The following PBX3 variants were observed in gnomAD, a reference collection of about 807,000 sequenced individuals.
The protein encoded by PBX3 is pre-B-cell leukemia transcription factor 3.
Under a neutral mutation model 48.5 loss-of-function variants are expected in PBX3, and 14 were observed. That is an observed-to-expected ratio of 0.29 (90% CI 0.19 to 0.45). The LOEUF (loss-of-function observed/expected upper bound fraction) is 0.45. PBX3 is among the 20% of genes least tolerant of loss of function. The pLI, the probability that PBX3 is intolerant of heterozygous loss-of-function variation, is 1.00. For synonymous variants in PBX3, 210 were observed against 200.3 expected, an observed-to-expected ratio of 1.05 and a Z score of -0.41; for missense variants, 386 against 546.7, an observed-to-expected ratio of 0.71 and a Z score of 2.93.
intron 2 of PBX3, among the ~76,000 whole-genome samples, chr9:125,794,544 G>T (rs1837720299): frequency 6.6e-6 from 1 of 151,606 alleles, no homozygotes; most frequent in African/African-American, 2.4e-5. Flanking sequence ...AAGTTAATTG[G>T]TTAGCTTTCC....
intron 2 of PBX3, among the ~76,000 whole-genome samples, chr9:125,813,143 T>C (rs557894968): frequency 1.2e-4 from 19 of 152,382 alleles, no homozygotes; most frequent in Non-Finnish European, 1.6e-4. Flanking sequence ...TTTTTGACTT[T>C]TGTAATAACA....
At chr9:125,762,314 A>G (rs1475464466) in intron 2 of PBX3, among the ~76,000 whole-genome samples, 1 of 152,190 alleles carries the variant, frequency 6.6e-6, no homozygotes, top group Non-Finnish European at 1.5e-5. Context: ...CCCAAAAAAT[A>G]TAGTCCACCC....
chr9:125,928,973 A>G (rs1383350198), intron 3 of PBX3, among the ~76,000 whole-genome samples: 3 of 152,064 alleles, frequency 2.0e-5, no homozygotes, highest in Non-Finnish European at 4.4e-5. Context: ...TTCTTTACAT[A>G]TTATCTGTAT....
chr9:125,749,966 TGA>T (rs1836325879), intron 2 of PBX3, among the ~76,000 whole-genome samples: 1 of 152,256 alleles, frequency 6.6e-6, no homozygotes, highest in Non-Finnish European at 1.5e-5. Context: ...GATCCTTTCT[TGA>T]ATTACTAACT....
At chr9:125,754,262 C>G (rs1453072204) in intron 2 of PBX3, among the ~76,000 whole-genome samples, 1 of 152,050 alleles carries the variant, frequency 6.6e-6, no homozygotes, top group African/African-American at 2.4e-5. Flanking sequence ...TCAGTGTGAT[C>G]AGCATGATTT....
chr9:125,861,612 A>G (rs1479773362), intron 2 of PBX3, among the ~76,000 whole-genome samples: 1 of 152,232 alleles, frequency 6.6e-6, no homozygotes, highest in African/African-American at 2.4e-5. Context: ...TGGTATATCC[A>G]TACAATGGAA....
At chr9:125,810,981 T>G (rs542238066) in intron 2 of PBX3, among the ~76,000 whole-genome samples, 4 of 152,304 alleles carry the variant, frequency 2.6e-5, no homozygotes, top group Middle Eastern at 6.8e-3. Flanking sequence ...CCTCAGGCAC[T>G]CCTGGGGATC....
At chr9:125,960,875 A>T (rs781058868) in intron 6 of PBX3, 26 bp downstream of exon 6, 2 of 1,606,904 alleles carry the variant, frequency 1.2e-6, no homozygotes, top group Non-Finnish European at 1.7e-6. Flanking sequence ...TCGCTCCCCA[A>T]CTGGCCCAGG....
At chr9:125,860,164 A>G (rs1024578231) in intron 2 of PBX3, among the ~76,000 whole-genome samples, 3 of 152,256 alleles carry the variant, frequency 2.0e-5, no homozygotes, top group African/African-American at 7.2e-5. Flanking sequence ...AGGCTAATGA[A>G]TTAGCCACCA....
intron 7 of PBX3, 135 bp downstream of exon 7, chr9:125,962,349 G>A (rs1564193384): frequency 5.9e-6 from 3 of 511,948 alleles, no homozygotes; most frequent in Non-Finnish European, 1.0e-5. Context: ...GGACCCATCT[G>A]CCCCACCATT....
intron 5 of PBX3, among the ~76,000 whole-genome samples, chr9:125,937,479 TATAG>T (rs1246446614): frequency 6.6e-6 from 1 of 152,150 alleles, no homozygotes; most frequent in Non-Finnish European, 1.5e-5. Flanking sequence ...GTAGAAATAA[TATAG>T]ATATAGCTCT....
intron 2 of PBX3, among the ~76,000 whole-genome samples, chr9:125,781,980 C>G (rs1440911003): frequency 1.3e-5 from 2 of 151,890 alleles, no homozygotes; most frequent in African/African-American, 4.8e-5. Context: ...ATTTGATCCC[C>G]TTCTAATTTC....
chr9:125,862,937 CA>C (rs1370694716), intron 2 of PBX3, among the ~76,000 whole-genome samples: 3 of 152,176 alleles, frequency 2.0e-5, no homozygotes, highest in Admixed American at 6.5e-5. Context: ...CTCTGTCGCC[CA>C]GGCTGGAGTG....
intron 2 of PBX3, among the ~76,000 whole-genome samples, chr9:125,911,395 A>G (rs1056131180): frequency 2.6e-5 from 4 of 152,168 alleles, no homozygotes; most frequent in African/African-American, 9.7e-5. Flanking sequence ...AAATGAAGAA[A>G]GCACAGAAAA....
At chr9:125,868,821 G>A (rs959402866) in intron 2 of PBX3, among the ~76,000 whole-genome samples, 6 of 152,136 alleles carry the variant, frequency 3.9e-5, no homozygotes, top group African/African-American at 1.4e-4. Flanking sequence ...GAAGTGAATT[G>A]TTAGTACTCC....
chr9:125,871,357 G>C (rs1431517921), intron 2 of PBX3, among the ~76,000 whole-genome samples: 4 of 150,308 alleles, frequency 2.7e-5, no homozygotes, highest in Admixed American at 2.7e-4. Context: ...CTCCAGTCTG[G>C]GTGACAGTGC....
chr9:125,790,261 T>TC (rs201456196), intron 2 of PBX3, among the ~76,000 whole-genome samples: 83 of 151,344 alleles, frequency 5.5e-4, no homozygotes, highest in East Asian at 7.7e-4. Flanking sequence ...TTTCTTTCTT[T>TC]TTTTTTTTTT....
intron 2 of PBX3, among the ~76,000 whole-genome samples, chr9:125,872,969 G>A (rs1435317925): frequency 1.3e-5 from 2 of 151,674 alleles, no homozygotes; most frequent in African/African-American, 4.9e-5. Flanking sequence ...GGAGACCGAG[G>A]CGGGTGGATC....
intron 2 of PBX3, among the ~76,000 whole-genome samples, chr9:125,766,611 G>T (rs935373596): frequency 6.6e-6 from 1 of 152,048 alleles, no homozygotes; most frequent in Non-Finnish European, 1.5e-5. Flanking sequence ...ACATTATAAT[G>T]AAATCTTAAA....
Sources: gnomAD v4.1 joint callset for allele counts (sites outside exome capture counted in the v4.1 genomes callset) on GRCh38, gnomAD v4.1.1 for gene constraint, MANE v1.5 for transcripts, NCBI Gene and HGNC (gene_info 2026-07-23, HGNC 2026-07-21) for gene names.